The following JADE3 variants were observed in gnomAD, a reference collection of about 807,000 sequenced individuals.
JADE3 encodes protein Jade-3.
Under a neutral mutation model 50.1 loss-of-function variants are expected in JADE3, and 2 were observed. That is an observed-to-expected ratio of 0.04 (90% confidence interval 0.02 to 0.13). The LOEUF (loss-of-function observed/expected upper bound fraction) is 0.13. JADE3 is among the 10% of genes least tolerant of loss of function. The pLI is 1.00. For missense variants in JADE3, 475 were observed against 634.4 expected, an observed-to-expected ratio of 0.75 and a Z score of 2.70; for synonymous variants, 218 against 232.9, an observed-to-expected ratio of 0.94 and a Z score of 0.58.
intron 3 of JADE3, among the ~76,000 whole-genome samples, chrX:46,990,762 T>A (rs1927970459): frequency 9.0e-6 from 1 of 111,044 alleles, no homozygotes; most frequent in South Asian, 3.9e-4. Context: ...TTTTAGTATG[T>A]TCAGAGTTGT....
At chrX:46,952,725 C>A (rs1034053588) in intron 1 of JADE3, among the ~76,000 whole-genome samples, 1 of 112,110 alleles carries the variant, frequency 8.9e-6, no homozygotes, top group African/African-American at 3.2e-5. Flanking sequence ...AGGCCAGGTG[C>A]GGTGGCTCAC....
intron 4 of JADE3, among the ~76,000 whole-genome samples, chrX:47,005,806 G>C (rs781849231): frequency 3.6e-4 from 40 of 111,431 alleles, no homozygotes; most frequent in African/African-American, 1.2e-3. Flanking sequence ...GAAGCCTAGT[G>C]GGGGGCTGAA....
intron 6 of JADE3, among the ~76,000 whole-genome samples, chrX:47,033,127 T>C (rs1556367108): frequency 8.9e-6 from 1 of 112,326 alleles, no homozygotes; most frequent in African/African-American, 3.2e-5. Context: ...TACGATTTAC[T>C]GAGTACTTTT....
At chrX:47,018,461 G>A (rs782100597) in intron 4 of JADE3, among the ~76,000 whole-genome samples, 2 of 109,752 alleles carry the variant, frequency 1.8e-5, no homozygotes, top group South Asian at 8.0e-4. Flanking sequence ...AGCCTCCCGA[G>A]TAGCTGGGAC....
At chrX:46,917,816 TCTCTCA>T (rs1569533760) in intron 1 of JADE3, among the ~76,000 whole-genome samples, 1 of 86,323 alleles carries the variant, frequency 1.2e-5, no homozygotes, top group African/African-American at 4.3e-5. Flanking sequence ...TCTCTCTCTC[TCTCTCA>T]CTCTCTCTCA....
At chrX:46,966,365 C>T (rs1447043739) in intron 1 of JADE3, among the ~76,000 whole-genome samples, 2 of 111,610 alleles carry the variant, frequency 1.8e-5, no homozygotes, top group African/African-American at 6.5e-5. Context: ...GCTTTTCCCT[C>T]CTACCTTCCT....
chrX:46,969,473 G>T (rs1334713210), intron 1 of JADE3, among the ~76,000 whole-genome samples: 1 of 112,335 alleles, frequency 8.9e-6, no homozygotes, highest in African/African-American at 3.2e-5. Flanking sequence ...CCAAACACTT[G>T]GAAACTAAGC....
At chrX:47,032,458 C>T (rs1454504326) in intron 6 of JADE3, among the ~76,000 whole-genome samples, 2 of 110,631 alleles carry the variant, frequency 1.8e-5, no homozygotes, top group Non-Finnish European at 1.9e-5. Flanking sequence ...AAAGGGCTTG[C>T]CACTGTACAA....
rs1929774487 is a variant in JADE3, at chrX:47,061,199, C to G, written c.*2122C>G. On this transcript the variant is annotated 3_prime_UTR_variant, in exon 11 of 11. Transcript: ENST00000614628. ...ATAAGCTCAGTCCTTTTTCAAATGT[C>G]CCCTTTTTACCAATACTTTTTCATT... 1 of 111,423 alleles carries G rather than the reference C, an allele frequency of 9.0e-6. No homozygotes were observed. The highest frequency in any genetic ancestry group is 1.9e-5 in the Non-Finnish European group (1 of 53,019). The allele number at this position is 111,423 out of a possible 1,213,427, so 9.2% of individuals were successfully genotyped here. A position where few individuals can be genotyped will look rare whatever the true frequency, so the allele number is the denominator to read the frequency against.
intron 8 of JADE3, among the ~76,000 whole-genome samples, chrX:47,053,314 A>G (rs1556372645): frequency 9.0e-6 from 1 of 110,540 alleles, no homozygotes; most frequent in East Asian, 2.9e-4. Flanking sequence ...GCTGGAGTAC[A>G]TTGGTGTGAT....
intron 1 of JADE3, among the ~76,000 whole-genome samples, chrX:46,953,813 G>A (rs1291343819): frequency 1.8e-5 from 2 of 111,540 alleles, no homozygotes; most frequent in Non-Finnish European, 3.8e-5. Context: ...CATTGACCTC[G>A]TTGTTTTCCT....
chrX:47,055,693 G>C (rs1289622325), intron 9 of JADE3, among the ~76,000 whole-genome samples: 1 of 111,673 alleles, frequency 9.0e-6, no homozygotes, highest in Non-Finnish European at 1.9e-5. Flanking sequence ...TATCCTGCTC[G>C]TCCGGCACTG....
Position 46,994,461 on chromosome X carries a change from A to T in JADE3, c.127-3659A>T, listed in dbSNP as rs190540949. On this transcript the variant is annotated intron_variant, in intron 3 of 10. Transcript: ENST00000614628. ...CCAGTGCATATAAAATAGACACACT[A>T]TTAAGAACTTGTAAAACTTCTCAAC... Among the ~76,000 whole-genome samples, 9 of 112,621 alleles carry T rather than the reference A, an allele frequency of 8.0e-5. No individual in the cohort carries two copies. In the East Asian group the frequency reaches 2.5e-3, roughly 31 times the overall value.
rs1235628426 is a variant in JADE3 at position 46,923,375 on chromosome X, T to TTCTCTCTC, written c.-12+10668_-12+10675dup. 3.1e-4 allele frequency among the ~76,000 whole-genome samples: 18 copies of TTCTCTCTC among 57,940 alleles called. 1 individual carries two copies. The highest frequency in any genetic ancestry group is 5.6e-4 in the Non-Finnish European group (15 of 27,013). The allele number at this position is 57,940 out of a possible 115,157, so 50.3% of individuals were successfully genotyped here. A position where few individuals can be genotyped will look rare whatever the true frequency, so the allele number is the denominator to read the frequency against. On this transcript the variant is annotated intron_variant, in intron 1 of 10. Coordinates refer to ENST00000614628, the MANE Select transcript of JADE3 (RefSeq NM_014735.5). ...TTGCTGTGGGTACCAGAGATTTCTT[T>TTCTCTCTC]TCTCTCTCTCTCTCTCTCTTTTTTT...
At chrX:46,936,199 A>G (rs1926620810) in intron 1 of JADE3, among the ~76,000 whole-genome samples, 1 of 109,574 alleles carries the variant, frequency 9.1e-6, no homozygotes, top group Non-Finnish European at 1.9e-5. Flanking sequence ...TTGTATTTTT[A>G]GTAGAAACGG....
At chrX:46,977,510 C>A (rs782272683) in intron 1 of JADE3, among the ~76,000 whole-genome samples, 147 of 112,267 alleles carry the variant, frequency 1.3e-3, no homozygotes, top group Non-Finnish European at 2.3e-3. Flanking sequence ...AAAGGCCTAT[C>A]CTGTTAGCAA....
rs1043039139 is a variant in JADE3, at chrX:47,039,635, G to T, written c.972+570G>T. Among the ~76,000 whole-genome samples, 6 of 111,122 alleles carry T rather than the reference G, an allele frequency of 5.4e-5. No individual in the cohort carries two copies. In the Admixed American group the frequency reaches 5.8e-4, roughly 11 times the overall value. On this transcript the variant is annotated intron_variant, in intron 8 of 10. Transcript: ENST00000614628. ...TGTGTATACCCACTGTTTAGCTCCC[G>T]TTTGTAAGTGAGAACATGTGGTATT...
intron 1 of JADE3, among the ~76,000 whole-genome samples, chrX:46,938,884 G>A (rs1446479515): frequency 4.4e-5 from 5 of 112,611 alleles, no homozygotes; most frequent in African/African-American, 1.6e-4. Context: ...CCGGTGTGCA[G>A]TAGCATGATC....
intron 1 of JADE3, among the ~76,000 whole-genome samples, chrX:46,967,186 C>A (rs960757076): frequency 1.8e-5 from 2 of 112,129 alleles, no homozygotes; most frequent in African/African-American, 6.5e-5. Flanking sequence ...ATTTATTTGC[C>A]TTTGATCTTG....
Sources: gnomAD v4.1 joint callset for allele counts (sites outside exome capture counted in the v4.1 genomes callset) on GRCh38, gnomAD v4.1.1 for gene constraint, MANE v1.5 for transcripts, NCBI Gene and HGNC (gene_info 2026-07-23, HGNC 2026-07-21) for gene names.